Variants in RBMS3 observed in about 807,000 individuals in gnomAD.
RBMS3 encodes the protein RNA binding motif single stranded interacting protein 3.
In RBMS3, 27 loss-of-function variants were observed where a neutral mutation model predicts 66.8. The observed-to-expected ratio is 0.40, with a 90% CI of 0.30 to 0.56. RBMS3 has a LOEUF of 0.56. RBMS3 is among the 20% of genes least tolerant of loss of function. The pLI, the probability that RBMS3 is intolerant of heterozygous loss-of-function variation, is 0.40. For missense variants in RBMS3, 513 were observed against 549.5 expected (o/e 0.93, Z 0.66); for synonymous variants, 188 against 183.0 (o/e 1.03, Z -0.22).
intron 1 of RBMS3, among the ~76,000 whole-genome samples, chr3:29,426,673 G>A (rs770384976): frequency 2.0e-5 from 3 of 152,112 alleles, no homozygotes; most frequent in Admixed American, 6.5e-5. Flanking sequence ...GGCAAACCAC[G>A]GTTCTAATGA....
At chr3:29,688,782 T>G (rs1166294138) in intron 4 of RBMS3, among the ~76,000 whole-genome samples, 1 of 151,654 alleles carries the variant, frequency 6.6e-6, no homozygotes, top group African/African-American at 2.4e-5. Context: ...AGGGTTTCAC[T>G]CTGTTGGCCA....
chr3:29,813,169 G>A lies in RBMS3; in HGVS notation c.637+50180G>A, dbSNP rs191394449. 1.9e-4 allele frequency among the ~76,000 whole-genome samples: 29 copies of A among 151,904 alleles called. 1 individual carries two copies. Among genetic ancestry groups the A allele is most frequent in the African/African-American group, 7.0e-4 (29 of 41,410 alleles). On this transcript the variant is annotated intron_variant, in intron 6 of 14. Transcript: ENST00000383767. ...ATACCTGTGGCTACACCTTTTCATA[G>A]GCCCTTAACTAATTGCTTAGGATAA...
chr3:29,780,599 T>A (rs889752126), intron 6 of RBMS3, among the ~76,000 whole-genome samples: 2 of 152,160 alleles, frequency 1.3e-5, no homozygotes, highest in Non-Finnish European at 2.9e-5. Context: ...ATATTTGGTA[T>A]CAAATAACTA....
intron 3 of RBMS3, among the ~76,000 whole-genome samples, chr3:29,506,489 G>A (rs2044185912): frequency 6.6e-6 from 1 of 151,396 alleles, no homozygotes; most frequent in Admixed American, 6.6e-5. Flanking sequence ...CTAGTATTTT[G>A]TTGAGGTTAT....
At chr3:29,510,836 C>A (rs1481152701) in intron 3 of RBMS3, among the ~76,000 whole-genome samples, 1 of 152,132 alleles carries the variant, frequency 6.6e-6, no homozygotes, top group East Asian at 1.9e-4. Flanking sequence ...TGAGCAGATG[C>A]TATGCATTTC....
At chr3:29,589,185 A>G (rs1250134324) in intron 4 of RBMS3, among the ~76,000 whole-genome samples, 3 of 152,108 alleles carry the variant, frequency 2.0e-5, no homozygotes. Flanking sequence ...GTTTCCCAGC[A>G]TTCTGCTGCA....
At chr3:29,421,758 C>A (rs987604436) in intron 1 of RBMS3, among the ~76,000 whole-genome samples, 1 of 152,082 alleles carries the variant, frequency 6.6e-6, no homozygotes, top group African/African-American at 2.4e-5. Flanking sequence ...TAGAATAATA[C>A]CAACTAAACC....
intron 6 of RBMS3, among the ~76,000 whole-genome samples, chr3:29,822,829 G>A (rs2149477092): frequency 6.6e-6 from 1 of 152,232 alleles, no homozygotes; most frequent in Non-Finnish European, 1.5e-5. Flanking sequence ...TATTACATTT[G>A]AGGTATCTTT....
At chr3:29,575,946 A>G (rs2047105086) in intron 3 of RBMS3, among the ~76,000 whole-genome samples, 1 of 152,006 alleles carries the variant, frequency 6.6e-6, no homozygotes, top group Non-Finnish European at 1.5e-5. Context: ...TCAAACAGCT[A>G]TTTTGAATAC....
intron 1 of RBMS3, among the ~76,000 whole-genome samples, chr3:29,409,459 G>A (rs1162411598): frequency 2.0e-5 from 3 of 152,212 alleles, no homozygotes; most frequent in African/African-American, 7.2e-5. Context: ...ATTGCAGTAA[G>A]TACAAATTAT....
chr3:29,893,585 T>C (rs2060054200), intron 8 of RBMS3, among the ~76,000 whole-genome samples: 1 of 151,490 alleles, frequency 6.6e-6, no homozygotes, highest in South Asian at 2.1e-4. Flanking sequence ...TCACGTGTCA[T>C]TATGAGCCCC....
At chr3:29,779,145 G>A (rs2056529532) in intron 6 of RBMS3, among the ~76,000 whole-genome samples, 1 of 151,626 alleles carries the variant, frequency 6.6e-6, no homozygotes, top group Non-Finnish European at 1.5e-5. Context: ...CCATGAACTT[G>A]GTTTTAACAC....
chr3:29,743,699 G>A (rs2054739296), intron 5 of RBMS3, among the ~76,000 whole-genome samples: 1 of 150,552 alleles, frequency 6.6e-6, no homozygotes, highest in Non-Finnish European at 1.5e-5. Flanking sequence ...TGATCCAGTT[G>A]GCTTGGGGTG....
chr3:29,434,404 G>T (rs912800023), intron 1 of RBMS3, among the ~76,000 whole-genome samples: 10 of 152,142 alleles, frequency 6.6e-5, no homozygotes, highest in Non-Finnish European at 1.2e-4. Context: ...TGCCAAAAGT[G>T]ACTGTTTTAT....
intron 1 of RBMS3, among the ~76,000 whole-genome samples, chr3:29,390,109 A>C (rs972892147): frequency 5.9e-5 from 9 of 152,170 alleles, no homozygotes; most frequent in Non-Finnish European, 1.2e-4. Flanking sequence ...AAAAACATCA[A>C]GTTTTGATTT....
chr3:29,593,026 G>T (rs1341560335), intron 4 of RBMS3, among the ~76,000 whole-genome samples: 7 of 103,386 alleles, frequency 6.8e-5, no homozygotes, highest in Admixed American at 2.4e-4. Flanking sequence ...GGGGAGGGGG[G>T]AGGGGGGAGG....
chr3:29,364,238 A>T (rs1416219364), intron 1 of RBMS3, among the ~76,000 whole-genome samples: 1 of 152,234 alleles, frequency 6.6e-6, no homozygotes, highest in African/African-American at 2.4e-5. Flanking sequence ...TATGTTATAT[A>T]AAAATTGATT....
Position 29,749,805 on chromosome 3 carries a change from C to T in RBMS3, c.557+9928C>T, listed in dbSNP as rs558858040. Among the ~76,000 whole-genome samples the T allele has an allele frequency of 1.1e-3, 175 of 152,196 alleles. 1 individual carries two copies. The highest frequency in any genetic ancestry group is 4.1e-3 in the African/African-American group (172 of 41,538). On this transcript the variant is annotated intron_variant, in intron 5 of 14. Coordinates refer to ENST00000383767, the MANE Select transcript of RBMS3 (RefSeq NM_001003793.3). Reference sequence around the variant, plus strand: ...CAATCTGGTCATATCTAAAAATATGCCATTCCAATAAAAGCTTTGGAAAAA... The same window carrying T: ...CAATCTGGTCATATCTAAAAATATGTCATTCCAATAAAAGCTTTGGAAAAA...
At chr3:29,531,471 C>T (rs1300915453) in intron 3 of RBMS3, among the ~76,000 whole-genome samples, 3 of 152,128 alleles carry the variant, frequency 2.0e-5, no homozygotes, top group Non-Finnish European at 4.4e-5. Context: ...GTCTTTTATT[C>T]TTCATTTGCT....
Sources: gnomAD v4.1 joint callset for allele counts (sites outside exome capture counted in the v4.1 genomes callset) on GRCh38, gnomAD v4.1.1 for gene constraint, MANE v1.5 for transcripts, NCBI Gene and HGNC (gene_info 2026-07-23, HGNC 2026-07-21) for gene names.